The following PSMA1 variants were observed in gnomAD, a reference collection of about 807,000 sequenced individuals.
The protein encoded by PSMA1 is proteasome subunit alpha type-1.
A neutral mutation model predicts 38.4 loss-of-function variants in PSMA1; 3 were observed. The ratio of observed to expected loss-of-function variants is 0.08; its 90% CI spans 0.04 to 0.20. PSMA1 has a LOEUF of 0.20. Ranked by LOEUF, PSMA1 falls within the 10% of genes least tolerant of loss-of-function variation. The probability of loss-of-function intolerance (pLI) is 1.00; values close to 1 mark genes in which losing one functional copy is unlikely to be tolerated. For missense variants in PSMA1, 227 were observed against 325.3 expected (o/e 0.70, Z 2.32); for synonymous variants, 101 against 107.1 (o/e 0.94, Z 0.35).
At chr11:14,506,965 G>A (rs1417516558) in intron 9 of PSMA1, among the ~76,000 whole-genome samples, 2 of 152,146 alleles carry the variant, frequency 1.3e-5, no homozygotes, top group Non-Finnish European at 2.9e-5. Flanking sequence ...TGTGACTGAA[G>A]TTATCTTGGG....
intron 1 of PSMA1, among the ~76,000 whole-genome samples, chr11:14,625,455 G>C (rs1375636189): frequency 1.3e-5 from 2 of 152,228 alleles, no homozygotes; most frequent in East Asian, 1.9e-4. Context: ...TCTCAAAAAA[G>C]AAAATTTGTC....
chr11:14,558,184 G>C (rs1052279997), intron 2 of PSMA1, among the ~76,000 whole-genome samples: 12 of 151,310 alleles, frequency 7.9e-5, no homozygotes, highest in Middle Eastern at 3.4e-3. Flanking sequence ...AGGCCACGGT[G>C]GGGGGACTGC....
rs377429884 is a variant in PSMA1 at position 14,600,484 on chromosome 11, G to A, written c.21+10482C>T. 5.3e-5 allele frequency among the ~76,000 whole-genome samples: 8 copies of A among 152,298 alleles called. No homozygotes were observed. In the East Asian group the frequency reaches 1.4e-3, roughly 26 times the overall value. On this transcript the variant is annotated intron_variant, in intron 2 of 10. Transcript: ENST00000418988. ...CCTCCCCGAGCCAGGCTGCTGTCTC[G>A]CAGATCAATCTCAGACTGCTGAGCT...
At chr11:14,609,757 G>T (rs1004962177) in intron 2 of PSMA1, among the ~76,000 whole-genome samples, 1 of 152,114 alleles carries the variant, frequency 6.6e-6, no homozygotes, top group Non-Finnish European at 1.5e-5. Flanking sequence ...GATGAGATGA[G>T]ATCAGGGGGA....
intron 1 of PSMA1, among the ~76,000 whole-genome samples, chr11:14,628,622 A>C: frequency 6.7e-6 from 1 of 148,762 alleles, no homozygotes; most frequent in Non-Finnish European, 1.5e-5. Context: ...TGCCGCAATA[A>C]ACATACGTGT....
At chr11:14,528,090 G>C (rs1196475858) in intron 2 of PSMA1, among the ~76,000 whole-genome samples, 1 of 149,960 alleles carries the variant, frequency 6.7e-6, no homozygotes, top group South Asian at 2.1e-4. Flanking sequence ...CTGAGGCCTC[G>C]ACTTACTACT....
At chr11:14,630,237 T>C in intron 1 of PSMA1, among the ~76,000 whole-genome samples, 1 of 152,166 alleles carries the variant, frequency 6.6e-6, no homozygotes, top group Middle Eastern at 3.2e-3. Flanking sequence ...ATCCCTGTCT[T>C]ATGCCAGTTT....
chr11:14,505,348 G>T, intron 9 of PSMA1, 100 bp from the exon 10 acceptor site: 1 of 1,003,620 alleles, frequency 1.0e-6, no homozygotes, highest in Non-Finnish European at 1.6e-6. Flanking sequence ...GAGAAAAAGG[G>T]GTAAAGAGAT....
intron 2 of PSMA1, among the ~76,000 whole-genome samples, chr11:14,602,538 T>C (rs555833264): frequency 6.6e-6 from 1 of 152,274 alleles, no homozygotes; most frequent in South Asian, 2.1e-4. Flanking sequence ...TTTCTTGTAA[T>C]TTTACAGTCT....
At chr11:14,562,430 A>G (rs563364231) in intron 2 of PSMA1, among the ~76,000 whole-genome samples, 3 of 152,304 alleles carry the variant, frequency 2.0e-5, no homozygotes, top group East Asian at 3.9e-4. Context: ...CCAGACCTCA[A>G]TGGTCTTTAG....
intron 2 of PSMA1, among the ~76,000 whole-genome samples, chr11:14,610,244 T>C (rs1235110504): frequency 2.0e-5 from 3 of 152,198 alleles, no homozygotes; most frequent in Non-Finnish European, 4.4e-5. Context: ...TTACTCAAAG[T>C]GCCTTTCCTT....
chr11:14,587,638 T>C (rs1852364630), intron 2 of PSMA1, among the ~76,000 whole-genome samples: 1 of 152,002 alleles, frequency 6.6e-6, no homozygotes, highest in East Asian at 1.9e-4. Flanking sequence ...ACATCATGTA[T>C]AGTGAAAGAG....
At chr11:14,566,040 C>G (rs761482175) in intron 2 of PSMA1, among the ~76,000 whole-genome samples, 1 of 152,100 alleles carries the variant, frequency 6.6e-6, no homozygotes. Context: ...GGGAGCATAC[C>G]TGGATATCTG....
chr11:14,519,022 T>C lies in PSMA1; in HGVS notation c.23A>G (p.Asn8Ser). 6.3e-7 allele frequency: 1 copy of C among 1,592,856 alleles called. No individual in the cohort carries two copies. Among genetic ancestry groups the C allele is most frequent in the Admixed American group, 1.8e-5 (1 of 56,848 alleles). ...CTGGGGGCTCCAAACAGTGACATCA[T>C]TGTCATACTGATTTCGAAACTAAAA... MFRNQYD[N>S]DVTVWSPQGR... Residue 8 changes from asparagine to serine, a missense_variant, in exon 2 of 10, where the codon AAT becomes AGT. Asn to Ser is a conservative substitution (Grantham distance 46, BLOSUM62 1). Transcript: ENST00000396394.
At chr11:14,593,068 A>C (rs1852442527) in intron 2 of PSMA1, among the ~76,000 whole-genome samples, 2 of 152,236 alleles carry the variant, frequency 1.3e-5, no homozygotes, top group African/African-American at 4.8e-5. Context: ...AAATGAGTGA[A>C]TGTACAAAAC....
chr11:14,517,415 T>C (rs1197809861), intron 4 of PSMA1, among the ~76,000 whole-genome samples: 1 of 152,214 alleles, frequency 6.6e-6, no homozygotes, highest in Admixed American at 6.5e-5. Flanking sequence ...AACATCACAT[T>C]ACTCAGTGAC....
chr11:14,543,804 A>G (rs1851797540), intron 2 of PSMA1, among the ~76,000 whole-genome samples: 1 of 152,234 alleles, frequency 6.6e-6, no homozygotes, highest in Non-Finnish European at 1.5e-5. Context: ...ATGATGAGAA[A>G]AAAATATTGG....
At chr11:14,629,395 G>C (rs1207198260) in intron 1 of PSMA1, among the ~76,000 whole-genome samples, 1 of 152,136 alleles carries the variant, frequency 6.6e-6, no homozygotes, top group Non-Finnish European at 1.5e-5. Flanking sequence ...TGGCTAGCCA[G>C]TTTTTCCAGC....
chr11:14,582,707 T>A (rs1045100588), intron 2 of PSMA1, among the ~76,000 whole-genome samples: 7 of 151,180 alleles, frequency 4.6e-5, no homozygotes, highest in Non-Finnish European at 1.0e-4. Context: ...TTTTTGTACT[T>A]TTTAGTAGAG....
Sources: allele counts gnomAD v4.1 joint callset (sites outside exome capture counted in the v4.1 genomes callset), GRCh38; gene constraint gnomAD v4.1.1; transcripts MANE v1.5; gene names NCBI Gene and HGNC (gene_info 2026-07-23, HGNC 2026-07-21).